The following ATF7IP2 variants were observed in gnomAD, a reference collection of about 807,000 sequenced individuals.
The protein encoded by ATF7IP2 is activating transcription factor 7-interacting protein 2.
ATF7IP2 carries 42 observed loss-of-function variants against 64.2 expected under a neutral mutation model. That is an observed-to-expected ratio of 0.65 (90% confidence interval 0.51 to 0.85). The LOEUF is 0.85. Ranked by LOEUF, ATF7IP2 falls within the 40% of genes least tolerant of loss-of-function variation. ATF7IP2 has a pLI of 0.00. For synonymous variants in ATF7IP2, 308 were observed against 272.8 expected, an observed-to-expected ratio of 1.13 and a Z score of -1.27; for missense variants, 933 against 784.2, an observed-to-expected ratio of 1.19 and a Z score of -2.27.
intron 1 of ATF7IP2, among the ~76,000 whole-genome samples, chr16:10,392,712 G>A (rs1395780484): frequency 6.6e-6 from 1 of 152,004 alleles, no homozygotes; most frequent in Non-Finnish European, 1.5e-5. Context: ...TATAGGCCAG[G>A]CACAGGCCCA....
intron 5 of ATF7IP2, among the ~76,000 whole-genome samples, chr16:10,432,342 AT>A (rs1341717135): frequency 2.6e-5 from 4 of 152,218 alleles, no homozygotes; most frequent in African/African-American, 9.7e-5. Flanking sequence ...AAAAAAACTG[AT>A]TTAATGCTAT....
chr16:10,467,878 C>CTT (rs111532750), intron 9 of ATF7IP2, among the ~76,000 whole-genome samples: 18 of 127,434 alleles, frequency 1.4e-4, no homozygotes, highest in South Asian at 7.7e-4. Context: ...ATCAAATATT[C>CTT]TTTTTTTTTT....
intron 9 of ATF7IP2, among the ~76,000 whole-genome samples, chr16:10,467,919 G>A (rs576612806): frequency 7.8e-6 from 1 of 127,602 alleles, no homozygotes; most frequent in South Asian, 2.5e-4. Flanking sequence ...TGCTCTTGTT[G>A]TCCAGGCTAG....
chr16:10,459,274 C>G (rs1349434071), intron 9 of ATF7IP2, among the ~76,000 whole-genome samples: 1 of 152,080 alleles, frequency 6.6e-6, no homozygotes, highest in Non-Finnish European at 1.5e-5. Flanking sequence ...GAAGACCATC[C>G]TGGCTAACAT....
At chr16:10,387,539 C>T (rs1394233040) in intron 1 of ATF7IP2, 1 of 152,252 alleles carries the variant, frequency 6.6e-6, no homozygotes, top group Non-Finnish European at 1.5e-5. Context: ...GCCTGTACTT[C>T]ACCTCAGCCT....
At chr16:10,417,685 A>G (rs1222275115) in intron 2 of ATF7IP2, among the ~76,000 whole-genome samples, 1 of 152,182 alleles carries the variant, frequency 6.6e-6, no homozygotes, top group Non-Finnish European at 1.5e-5. Flanking sequence ...CCTAAAATTT[A>G]TATGGAAATT....
In ATF7IP2 at chr16:10,482,373, C is replaced by T. The variant is rs2050270229; in HGVS notation, c.*124C>T. 4.3e-6 allele frequency: 3 copies of T among 689,758 alleles called. No homozygotes were observed. Among genetic ancestry groups the T allele is most frequent in the African/African-American group, 1.8e-5 (1 of 55,190 alleles). 42.7% of individuals were successfully genotyped at this position (689,758 alleles called of 1,614,324 possible). On this transcript the variant is annotated 3_prime_UTR_variant, in exon 14 of 14. Transcript: ENST00000562102. ...GTGAGCCCTTTCTATTGGGACAGTC[C>T]TCTTCTATATGTTTTAAGTGGCCAG...
At chr16:10,392,455 G>C (rs998704535) in intron 1 of ATF7IP2, among the ~76,000 whole-genome samples, 7 of 151,712 alleles carry the variant, frequency 4.6e-5, no homozygotes, top group African/African-American at 1.5e-4. Context: ...ACTGCTCCCA[G>C]CTGGTTCTAC....
chr16:10,459,707 A>G (rs1396799858), intron 9 of ATF7IP2, among the ~76,000 whole-genome samples: 1 of 152,110 alleles, frequency 6.6e-6, no homozygotes, highest in African/African-American at 2.4e-5. Flanking sequence ...TCAACTCACA[A>G]CTCACTATAG....
Position 10,473,940 on chromosome 16 carries a change from T to C in ATF7IP2, c.1500T>C (p.Leu500=). The change falls in exon 12 of 14, where the codon CTT becomes CTC. Residue 500 remains leucine, a synonymous_variant. Transcript: ENST00000562102. ...NAEVMAVQKK[L]DSIIDLTKEG... ...TTTTTTAGGCTGTACAGAAGAAACTTGATTCTATAATTGATTTGACAAAAG... is the reference window on the plus strand; with the variant it reads ...TTTTTTAGGCTGTACAGAAGAAACTCGATTCTATAATTGATTTGACAAAAG... 6.5e-7 allele frequency: 1 copy of C among 1,538,876 alleles called. No individual in the cohort carries two copies.
chr16:10,434,796 T>TTTTGTTTG lies in ATF7IP2; in HGVS notation c.960+1160_960+1167dup, dbSNP rs111612267. On this transcript the variant is annotated intron_variant, in intron 6 of 13. Coordinates refer to ENST00000562102, the MANE Select transcript of ATF7IP2 (RefSeq NM_001393719.1). ...TTAGTAGCTGAAGTGAGAAGTAAGTTTTTGTTTGTTTGTTTGTTTGAGGCA... is the reference window on the plus strand; with the variant it reads ...TTAGTAGCTGAAGTGAGAAGTAAGTTTTTGTTTGTTTGTTTGTTTGTTTGTTTGAGGCA... Among the ~76,000 whole-genome samples the TTTTGTTTG allele has an allele frequency of 1.6e-3, 244 of 152,090 alleles. 1 individual carries two copies. Among genetic ancestry groups the TTTTGTTTG allele is most frequent in the African/African-American group, 5.5e-3 (227 of 41,466 alleles).
intron 8 of ATF7IP2, among the ~76,000 whole-genome samples, chr16:10,452,177 G>A (rs890296552): frequency 3.3e-5 from 5 of 152,216 alleles, no homozygotes; most frequent in African/African-American, 1.2e-4. Context: ...AAGTAGTTGT[G>A]ATCCTTTGGA....
rs1237862866 is a variant in ATF7IP2 at position 10,483,256 on chromosome 16, C to G, written c.*1007C>G. On this transcript the variant is annotated 3_prime_UTR_variant, in exon 14 of 14. Coordinates refer to ENST00000562102, the MANE Select transcript of ATF7IP2 (RefSeq NM_001393719.1). ...ACCCAACCTGTTTGAGTTGAGAATG[C>G]ATTTGTCCACCTTTGATTTGAGGCT... 6.6e-6 allele frequency: 1 copy of G among 152,156 alleles called. No individual in the cohort carries two copies. 9.4% of individuals were successfully genotyped at this position (152,156 alleles called of 1,614,324 possible). A position where few individuals can be genotyped will look rare whatever the true frequency, so the allele number is the denominator to read the frequency against.
chr16:10,457,164 G>A (rs1354389604), intron 8 of ATF7IP2, among the ~76,000 whole-genome samples: 1 of 152,134 alleles, frequency 6.6e-6, no homozygotes, highest in Non-Finnish European at 1.5e-5. Flanking sequence ...GGAAGTTGAT[G>A]TATACCATCA....
Position 10,482,749 on chromosome 16 carries a change from A to AGAT in ATF7IP2, c.*502_*504dup, listed in dbSNP as rs1488741284. The AGAT allele has an allele frequency of 6.6e-6, 1 of 151,634 alleles. No individual in the cohort carries two copies. The highest frequency in any genetic ancestry group is 1.5e-5 in the Non-Finnish European group (1 of 68,072). 9.4% of individuals were successfully genotyped at this position (151,634 alleles called of 1,614,324 possible). On this transcript the variant is annotated 3_prime_UTR_variant, in exon 14 of 14. Transcript: ENST00000562102. ...AAAAATTAAAAGATTTTTTTTTTTG[A>AGAT]GATGGAATATTGCTCTGTTGCCCAG...
chr16:10,411,337 T>G (rs2047753963), intron 1 of ATF7IP2, among the ~76,000 whole-genome samples: 1 of 140,220 alleles, frequency 7.1e-6, no homozygotes, highest in Non-Finnish European at 1.5e-5. Flanking sequence ...GTCTGTCTGG[T>G]ACTGGGCCTT....
intron 9 of ATF7IP2, among the ~76,000 whole-genome samples, chr16:10,466,489 A>G (rs1347816154): frequency 1.3e-5 from 2 of 152,132 alleles, no homozygotes; most frequent in South Asian, 2.1e-4. Flanking sequence ...TACTCCCACT[A>G]TAAGTACATG....
At chr16:10,474,039 C>A in intron 12 of ATF7IP2, 50 bp downstream of exon 12, 1 of 1,232,788 alleles carries the variant, frequency 8.1e-7, no homozygotes, top group Non-Finnish European at 1.2e-6. Context: ...GGAAGGGTAA[C>A]AACTCATAAT....
chr16:10,470,464 C>T (rs1387724837), intron 9 of ATF7IP2, among the ~76,000 whole-genome samples: 6 of 152,044 alleles, frequency 3.9e-5, no homozygotes, highest in Non-Finnish European at 8.8e-5. Flanking sequence ...ATGCCTCAGC[C>T]GTTTTTGTAG....
Sources: gnomAD v4.1 joint callset for allele counts (sites outside exome capture counted in the v4.1 genomes callset) on GRCh38, gnomAD v4.1.1 for gene constraint, MANE v1.5 for transcripts, NCBI Gene and HGNC (gene_info 2026-07-23, HGNC 2026-07-21) for gene names.